The following GIGYF2 variants were observed in gnomAD, a reference collection of about 807,000 sequenced individuals.
GIGYF2 encodes the protein GRB10 interacting GYF protein 2.
In GIGYF2, 25 loss-of-function variants were observed where a neutral mutation model predicts 208.1. That is an observed-to-expected ratio of 0.12 (90% CI 0.09 to 0.17). The LOEUF (loss-of-function observed/expected upper bound fraction) is 0.17. Among genes scored for constraint, GIGYF2 ranks in the 10% least tolerant of loss-of-function variants. The probability of loss-of-function intolerance (pLI) is 1.00; values close to 1 mark genes in which losing one functional copy is unlikely to be tolerated. For synonymous variants in GIGYF2, 534 were observed against 543.8 expected (o/e 0.98, Z 0.25); for missense variants, 1,302 against 1,579.4 (o/e 0.82, Z 2.98).
intron 14 of GIGYF2, among the ~76,000 whole-genome samples, chr2:232,802,256 C>T: frequency 6.6e-6 from 1 of 151,430 alleles, no homozygotes; most frequent in Non-Finnish European, 1.5e-5. Flanking sequence ...TTTTCTTGCC[C>T]AGTTGTTCTG....
Position 232,806,711 on chromosome 2 carries a change from T to C in GIGYF2, c.1806+54T>C. 7.8e-7 allele frequency: 1 copy of C among 1,276,688 alleles called. No individual in the cohort carries two copies. The highest frequency in any genetic ancestry group is 1.8e-4 in the Middle Eastern group (1 of 5,412). The allele number at this position is 1,276,688 out of a possible 1,614,324, so 79.1% of individuals were successfully genotyped here. On this transcript the variant is annotated intron_variant, in intron 15 of 28. Transcript: ENST00000373563. The surrounding 1 kb of genome is among the most constrained non-coding windows in gnomAD (Gnocchi z 4.0). Reference sequence around the variant, plus strand: ...CATATTAGTCACGGAAACACTTGATTCTCTTTGAAAACACAACCCAAATAT... The same window carrying C: ...CATATTAGTCACGGAAACACTTGATCCTCTTTGAAAACACAACCCAAATAT...
intron 2 of GIGYF2, among the ~76,000 whole-genome samples, chr2:232,727,263 G>A (rs987718092): frequency 2.6e-5 from 4 of 152,136 alleles, no homozygotes; most frequent in African/African-American, 9.7e-5. Context: ...ACTGTGCCCG[G>A]CCCATCATAC....
At chr2:232,760,804 C>G in intron 7 of GIGYF2, 1 of 495,234 alleles carries the variant, frequency 2.0e-6, no homozygotes, top group Admixed American at 3.5e-5. Flanking sequence ...TATATGAGTG[C>G]CAGCATAGTT....
chr2:232,705,167 G>T lies in GIGYF2; in HGVS notation c.-44+1678G>T, dbSNP rs568280156. ...AGCCACCGCGCCCGGCCAACTTCTG[G>T]ATATTTTTTATAGTATTAAGCTACA... On this transcript the variant is annotated intron_variant, in intron 2 of 28. Transcript: ENST00000373563. Among the ~76,000 whole-genome samples, 17 of 151,812 alleles carry T rather than the reference G, an allele frequency of 1.1e-4. No homozygotes were observed. In the South Asian group the frequency reaches 3.5e-3, roughly 32 times the overall value.
chr2:232,739,558 G>C (rs1020463804), intron 3 of GIGYF2, among the ~76,000 whole-genome samples: 1 of 150,814 alleles, frequency 6.6e-6, no homozygotes, highest in Non-Finnish European at 1.5e-5. Flanking sequence ...GCATATGTTT[G>C]GTGTCAGCTA....
At position 232,772,158 on chromosome 2, in the gene GIGYF2, C is replaced by T. The variant is rs528035060; in HGVS notation, c.532+10722C>T. ...CAGACTCCTGTTCTCAAGCCATCTT[C>T]CCACTTCAGCCTTCCAAAGCGCTGG... is the stretch of plus-strand genomic sequence containing the variant. On this transcript the variant is annotated intron_variant, in intron 8 of 28. Transcript: ENST00000373563. Among the ~76,000 whole-genome samples, 4 of 152,292 alleles carry T rather than the reference C, an allele frequency of 2.6e-5. No homozygotes were observed. The South Asian group carries it at 8.3e-4, about 32-fold the overall frequency.
At chr2:232,731,876 A>C in intron 2 of GIGYF2, among the ~76,000 whole-genome samples, 1 of 135,474 alleles carries the variant, frequency 7.4e-6, no homozygotes, top group Non-Finnish European at 1.7e-5. Context: ...ATTATTTTAT[A>C]TTTTTTAAAA....
chr2:232,713,183 C>T (rs1442791295), intron 2 of GIGYF2, among the ~76,000 whole-genome samples: 1 of 151,042 alleles, frequency 6.6e-6, no homozygotes, highest in East Asian at 1.9e-4. Context: ...TCAAGCTATT[C>T]TCCAGCCTCA....
chr2:232,833,117 A>G (rs1050571204), intron 22 of GIGYF2, 24 bp downstream of exon 22: 1 of 1,500,342 alleles, frequency 6.7e-7, no homozygotes, highest in African/African-American at 1.4e-5. Context: ...CATCAACCTT[A>G]GGAGCTCCTT....
intron 21 of GIGYF2, among the ~76,000 whole-genome samples, chr2:232,827,185 G>A (rs11684636): frequency 0.15 from 20,733 of 140,568 alleles, 1,807 homozygotes; most frequent in Non-Finnish European, 0.19. Flanking sequence ...TAGGGCCCTC[G>A]GGATTTTCAA....
intron 2 of GIGYF2, among the ~76,000 whole-genome samples, chr2:232,732,323 TC>T (rs1007457451): frequency 6.6e-6 from 1 of 152,180 alleles, no homozygotes; most frequent in Non-Finnish European, 1.5e-5. Flanking sequence ...TGTGTGTTTT[TC>T]CCCCCTTTCT....
intron 21 of GIGYF2, among the ~76,000 whole-genome samples, chr2:232,830,325 T>C (rs1193124394): frequency 6.6e-6 from 1 of 152,182 alleles, no homozygotes; most frequent in Non-Finnish European, 1.5e-5. Flanking sequence ...CATTGATGTT[T>C]AGTTCAGCTT....
intron 8 of GIGYF2, among the ~76,000 whole-genome samples, chr2:232,779,030 A>G (rs924634050): frequency 3.3e-5 from 5 of 152,140 alleles, no homozygotes; most frequent in African/African-American, 1.2e-4. Flanking sequence ...GTTTGCAGTA[A>G]TGAGCATACC....
chr2:232,839,837 C>G lies in GIGYF2; in HGVS notation c.2767-12C>G, dbSNP rs1559162890. 1.2e-5 allele frequency: 20 copies of G among 1,613,914 alleles called. No homozygotes were observed. Among genetic ancestry groups the G allele is most frequent in the South Asian group, 2.2e-5 (2 of 91,070 alleles). On this transcript the variant is annotated splice_polypyrimidine_tract_variant and intron_variant, in intron 22 of 28. Transcript: ENST00000373563. ...TTCCTCATGAACTTTCTGGCCTTCC[C>G]TTTTTTGTTAGCTTCCTTCTTCTTC... is the stretch of plus-strand genomic sequence containing the variant.
chr2:232,838,498 C>G (rs1012916183), intron 22 of GIGYF2, among the ~76,000 whole-genome samples: 5 of 152,146 alleles, frequency 3.3e-5, no homozygotes, highest in African/African-American at 1.2e-4. Context: ...AGATTGTTTC[C>G]TGATTACCAT....
At chr2:232,712,791 T>C (rs1696484728) in intron 2 of GIGYF2, among the ~76,000 whole-genome samples, 1 of 152,228 alleles carries the variant, frequency 6.6e-6, no homozygotes, top group South Asian at 2.1e-4. Context: ...GTTACATTTA[T>C]GTATGTTACA....
chr2:232,781,097 A>T (rs1341317442), intron 8 of GIGYF2, among the ~76,000 whole-genome samples: 2 of 151,990 alleles, frequency 1.3e-5, no homozygotes, highest in Admixed American at 6.6e-5. Context: ...AGCTGGGACT[A>T]CAGGCGCACA....
intron 23 of GIGYF2, among the ~76,000 whole-genome samples, chr2:232,841,161 C>T (rs1701802907): frequency 6.6e-6 from 1 of 152,070 alleles, no homozygotes; most frequent in African/African-American, 2.4e-5. Flanking sequence ...GTATGTCTCT[C>T]CCTTCAAAGC....
chr2:232,711,705 GTATATATA>G lies in GIGYF2; in HGVS notation c.-44+8231_-44+8238del, dbSNP rs55893272. Among the ~76,000 whole-genome samples the G allele has an allele frequency of 1.0e-3, 116 of 115,770 alleles. 2 individuals carry two copies. The East Asian group carries it at 0.01, about 10-fold the overall frequency. 75.9% of individuals were successfully genotyped at this position (115,770 alleles called of 152,430 possible). A position where few individuals can be genotyped will look rare whatever the true frequency, so the allele number is the denominator to read the frequency against. On this transcript the variant is annotated intron_variant, in intron 2 of 28. Coordinates refer to ENST00000373563, the MANE Select transcript of GIGYF2 (RefSeq NM_001103146.3). ...GAAGGAAAATTATCCTCACAATGAT[GTATATATA>G]TATATATATATATAGTTGTAATAGA...
Sources: gnomAD v4.1 joint callset for allele counts (sites outside exome capture counted in the v4.1 genomes callset) on GRCh38, gnomAD v4.1.1 for gene constraint, Gnocchi (gnomAD v3.1) non-coding constraint, MANE v1.5 for transcripts, NCBI Gene and HGNC (gene_info 2026-07-23, HGNC 2026-07-21) for gene names.